Variants in SLC30A10 observed in about 807,000 individuals in gnomAD.
The protein encoded by SLC30A10 is calcium/manganese antiporter SLC30A10.
A neutral mutation model predicts 21.7 loss-of-function variants in SLC30A10; 8 were observed. The observed-to-expected ratio is 0.37, with a 90% confidence interval of 0.22 to 0.67. The LOEUF (loss-of-function observed/expected upper bound fraction) is 0.67. SLC30A10 is among the 30% of genes least tolerant of loss of function. The pLI, the probability that SLC30A10 is intolerant of heterozygous loss-of-function variation, is 0.58. For synonymous variants in SLC30A10, 272 were observed against 279.4 expected (o/e 0.97, Z 0.26); for missense variants, 521 against 642.5 (o/e 0.81, Z 2.04).
chr1:219,949,925 A>G (rs1029796742), intron 1 of SLC30A10, among the ~76,000 whole-genome samples: 2 of 152,196 alleles, frequency 1.3e-5, no homozygotes, highest in Non-Finnish European at 2.9e-5. Flanking sequence ...CATCTTGTAA[A>G]CAGCTAGCCA....
intron 1 of SLC30A10, among the ~76,000 whole-genome samples, chr1:219,934,115 C>A (rs908018923): frequency 4.1e-4 from 62 of 152,260 alleles, no homozygotes; most frequent in African/African-American, 1.5e-3. Context: ...GGTGAAACCT[C>A]GTCTGTACTA....
In SLC30A10 at chr1:219,928,497, C is replaced by G; in HGVS notation, c.-57G>C. Reference sequence around the variant, plus strand: ...CCAGGGGAGCGCAGCCCACCCCGCGCGCAGCCACAGGTGGGGGGCGCGGCG... The same window carrying G: ...CCAGGGGAGCGCAGCCCACCCCGCGGGCAGCCACAGGTGGGGGGCGCGGCG... On this transcript the variant is annotated 5_prime_UTR_variant, in exon 1 of 4. Transcript: ENST00000366926. The surrounding 1 kb of genome is among the most constrained non-coding windows in gnomAD (Gnocchi z 6.3). The G allele has an allele frequency of 1.4e-6, 2 of 1,441,360 alleles. No homozygotes were observed. The allele number at this position is 1,441,360 out of a possible 1,614,324, so 89.3% of individuals were successfully genotyped here.
At chr1:219,916,638 T>A (rs1659551088) in intron 3 of SLC30A10, among the ~76,000 whole-genome samples, 1 of 152,234 alleles carries the variant, frequency 6.6e-6, no homozygotes, top group South Asian at 2.1e-4. Flanking sequence ...ATTTCTATTA[T>A]CTCATTTAGG....
Position 219,955,609 on chromosome 1 carries a change from A to G in SLC30A10, n.80+2959T>C, listed in dbSNP as rs1660337910. Among the ~76,000 whole-genome samples, 3 of 152,198 alleles carry G rather than the reference A, an allele frequency of 2.0e-5. No individual in the cohort carries two copies. The South Asian group carries it at 6.2e-4, about 32-fold the overall frequency. ...GTGGTCTTGATTTTTTTTACTTTCC[A>G]TGATCTCAAACATCAAATATTATGA... On this transcript the variant is annotated intron_variant and non_coding_transcript_variant, in intron 1 of 8. Coordinates refer to the SLC30A10 transcript ENST00000484239.
At chr1:219,950,365 C>T (rs963402650) in intron 1 of SLC30A10, among the ~76,000 whole-genome samples, 4 of 152,170 alleles carry the variant, frequency 2.6e-5, no homozygotes, top group African/African-American at 7.2e-5. Flanking sequence ...TCTGGCTGGG[C>T]GCGGTGGCTC....
chr1:219,915,791 A>C lies in SLC30A10; in HGVS notation c.1116T>G (p.His372Gln). 3.1e-6 allele frequency: 5 copies of C among 1,614,194 alleles called. No individual in the cohort carries two copies. Among genetic ancestry groups the C allele is most frequent in the Non-Finnish European group, 3.4e-6 (4 of 1,180,044 alleles). Residue 372 changes from histidine to glutamine, a missense_variant, in exon 4 of 4, where the codon CAT becomes CAG. By Grantham distance (24) the His-to-Gln change is conservative. Transcript: ENST00000366926. The stretch of plus-strand genomic sequence containing the variant: ...GGATGGTCACATTGTGGATTCCCGC[A>C]TGGTGGAAGATTTCTCGAATTTTTG... The part of the protein sequence containing the change: ...ASTKIREIFH[H>Q]AGIHNVTIQF...
intron 1 of SLC30A10, among the ~76,000 whole-genome samples, chr1:219,937,934 G>GTTATCT (rs1660068786): frequency 6.6e-6 from 1 of 152,088 alleles, no homozygotes; most frequent in Admixed American, 6.5e-5. Context: ...TGTAATGTTT[G>GTTATCT]TTATCTTTTC....
chr1:219,937,777 A>C (rs1268952952), intron 1 of SLC30A10, among the ~76,000 whole-genome samples: 1 of 152,154 alleles, frequency 6.6e-6, no homozygotes. Flanking sequence ...GCGACACTGA[A>C]CTCCAGCCTG....
upstream of SLC30A10, among the ~76,000 whole-genome samples, chr1:219,932,137 C>T (rs1659977827): frequency 2.6e-5 from 4 of 151,022 alleles, no homozygotes; most frequent in Admixed American, 1.3e-4. Context: ...GATCTCAGCT[C>T]ATTGCACACT....
At chr1:219,948,493 G>C (rs368147056) in intron 1 of SLC30A10, among the ~76,000 whole-genome samples, 1 of 152,116 alleles carries the variant, frequency 6.6e-6, no homozygotes, top group Non-Finnish European at 1.5e-5. Flanking sequence ...ACAAACCTGA[G>C]AAAAACAAGC....
intron 2 of SLC30A10, among the ~76,000 whole-genome samples, chr1:219,919,888 T>C (rs896569928): frequency 1.3e-5 from 2 of 152,294 alleles, no homozygotes; most frequent in Middle Eastern, 6.8e-3. Context: ...TCTCTCCATG[T>C]ATTCCACAGA....
intron 1 of SLC30A10, among the ~76,000 whole-genome samples, chr1:219,939,596 A>C (rs1408591914): frequency 6.6e-6 from 1 of 151,838 alleles, no homozygotes; most frequent in Non-Finnish European, 1.5e-5. Flanking sequence ...CGCCCAGCTG[A>C]TTTTTGTATT....
intron 3 of SLC30A10, among the ~76,000 whole-genome samples, chr1:219,917,076 T>A (rs528206307): frequency 6.6e-6 from 1 of 150,982 alleles, no homozygotes; most frequent in African/African-American, 2.4e-5. Context: ...GCTCCAGTGA[T>A]CCTCCCACCT....
chr1:219,923,159 GC>G (rs1659737740), intron 2 of SLC30A10, among the ~76,000 whole-genome samples: 1 of 152,156 alleles, frequency 6.6e-6, no homozygotes, highest in Admixed American at 6.5e-5. Flanking sequence ...TGCGGCCAAG[GC>G]TTTGAGCAGA....
intron 2 of SLC30A10, among the ~76,000 whole-genome samples, chr1:219,920,725 A>G (rs1659657036): frequency 6.6e-6 from 1 of 152,208 alleles, no homozygotes; most frequent in Non-Finnish European, 1.5e-5. Flanking sequence ...TTACCCTTGT[A>G]AAAATAAGTA....
Position 219,928,249 on chromosome 1 carries a change from G to T in SLC30A10, c.192C>A (p.Pro64=). The T allele has an allele frequency of 6.3e-7, 1 of 1,580,390 alleles. No individual in the cohort carries two copies. The highest frequency in any genetic ancestry group is 8.6e-7 in the Non-Finnish European group (1 of 1,164,104). The change falls in exon 1 of 4, where the codon CCC becomes CCA. Residue 64 remains proline (P), a synonymous_variant. Transcript: ENST00000366926. The surrounding 1 kb of genome is among the most constrained non-coding windows in gnomAD (Gnocchi z 6.3). ...CGTAGGTGGCGCTGAAGCCCCGGGT[G>T]GGGCGCCGGGCGATGTAGCCGGCGC... is the stretch of plus-strand genomic sequence containing the variant. ...GLSAGYIARR[P]TRGFSATYGY... is the part of the protein sequence containing the mutation.
intron 1 of SLC30A10, among the ~76,000 whole-genome samples, chr1:219,947,820 G>C (rs1421755175): frequency 6.6e-6 from 1 of 152,048 alleles, no homozygotes; most frequent in African/African-American, 2.4e-5. Flanking sequence ...ACCAATAAGA[G>C]AGAAACTCCG....
At chr1:219,949,142 C>T (rs982363956) in intron 1 of SLC30A10, among the ~76,000 whole-genome samples, 5 of 152,200 alleles carry the variant, frequency 3.3e-5, no homozygotes, top group Non-Finnish European at 7.3e-5. Context: ...GATAGGAACA[C>T]TTTTACACTG....
At chr1:219,931,978 A>C (rs1659975647), upstream of SLC30A10, among the ~76,000 whole-genome samples, 1 of 152,156 alleles carries the variant, frequency 6.6e-6, no homozygotes, top group African/African-American at 2.4e-5. Flanking sequence ...ACAAGCTGTA[A>C]ATGATTGATA....
Sources: gnomAD v4.1 joint callset for allele counts (sites outside exome capture counted in the v4.1 genomes callset) on GRCh38, gnomAD v4.1.1 for gene constraint, Gnocchi (gnomAD v3.1) non-coding constraint, MANE v1.5 for transcripts, NCBI Gene and HGNC (gene_info 2026-07-23, HGNC 2026-07-21) for gene names.